The following CCDC80 variants were observed in gnomAD, a reference collection of about 807,000 sequenced individuals.
CCDC80 encodes coiled-coil domain containing 80.
Under a neutral mutation model 78.7 loss-of-function variants are expected in CCDC80, and 49 were observed. The ratio of observed to expected loss-of-function variants is 0.62; its 90% CI spans 0.50 to 0.79. The LOEUF (loss-of-function observed/expected upper bound fraction) is 0.79. Among genes scored for constraint, CCDC80 ranks in the 30% least tolerant of loss-of-function variants. The probability of loss-of-function intolerance (pLI) is 0.00; values close to 1 mark genes in which losing one functional copy is unlikely to be tolerated. For missense variants in CCDC80, 1,205 were observed against 1,198.6 expected, an observed-to-expected ratio of 1.01 and a Z score of -0.08; for synonymous variants, 488 against 447.0, an observed-to-expected ratio of 1.09 and a Z score of -1.16.
At position 112,597,721 on chromosome 3, in the gene CCDC80, G is replaced by C. The variant is rs749376831; in HGVS notation, c.*7696C>G. The C allele has an allele frequency of 1.3e-5, 2 of 152,094 alleles. No individual in the cohort carries two copies. Among genetic ancestry groups the C allele is most frequent in the Non-Finnish European group, 2.9e-5 (2 of 68,016 alleles). 9.4% of individuals were successfully genotyped at this position (152,094 alleles called of 1,614,324 possible). The stretch of plus-strand genomic sequence containing the variant: ...TGAAGTACTTGCTAAATCATGTGGT[G>C]CGTGAAAGGAAGAGCAATGTTATAA... On this transcript the variant is annotated 3_prime_UTR_variant, in exon 8 of 8. Coordinates refer to ENST00000206423, the MANE Select transcript of CCDC80 (RefSeq NM_199511.3).
At chr3:112,610,974 C>T (rs1240008854) in intron 5 of CCDC80, among the ~76,000 whole-genome samples, 3 of 140,128 alleles carry the variant, frequency 2.1e-5, no homozygotes, top group Non-Finnish European at 4.5e-5. Context: ...AGTACAGTGG[C>T]ATGAACTCGG....
chr3:112,607,628 T>TA (rs952590085), intron 6 of CCDC80, among the ~76,000 whole-genome samples: 3 of 151,560 alleles, frequency 2.0e-5, no homozygotes, highest in African/African-American at 4.8e-5. Context: ...CTACTAACAA[T>TA]AAAAAAAATC....
At chr3:112,614,748 G>T (rs1201534139) in intron 5 of CCDC80, among the ~76,000 whole-genome samples, 2 of 152,098 alleles carry the variant, frequency 1.3e-5, no homozygotes, top group Non-Finnish European at 2.9e-5. Flanking sequence ...AGGCCTTTAG[G>T]TTCAGAACTA....
chr3:112,639,421 C>T lies in CCDC80; in HGVS notation c.485G>A (p.Gly162Asp). The T allele has an allele frequency of 6.2e-7, 1 of 1,614,214 alleles. No homozygotes were observed. Among genetic ancestry groups the T allele is most frequent in the East Asian group, 2.2e-5 (1 of 44,886 alleles). Residue 162 changes from glycine (G) to aspartate (D), a missense_variant, in exon 2 of 8, where the codon GGC (glycine) becomes GAC (aspartate). By Grantham distance (94) the Gly-to-Asp change is moderately conservative. Transcript: ENST00000206423. ...CAGGCTCATCATGAGGCGGTAGTAG[C>T]CTTCCGAGGCATGAGGGGCTGAGAT... ...WVISAPHASE[G>D]YYRLMMSLLK...
chr3:112,627,773 C>T (rs1308574429), intron 3 of CCDC80, among the ~76,000 whole-genome samples: 4 of 143,962 alleles, frequency 2.8e-5, no homozygotes, highest in African/African-American at 7.7e-5. Context: ...AGATGAGAAA[C>T]AAAATAAAAG....
chr3:112,624,469 C>G (rs1935926618), intron 3 of CCDC80, among the ~76,000 whole-genome samples: 1 of 152,194 alleles, frequency 6.6e-6, no homozygotes, highest in Non-Finnish European at 1.5e-5. Flanking sequence ...TAACCTTGGC[C>G]TCCAGCTTGG....
rs914343008 is a variant in CCDC80, at chr3:112,603,044, A to C, written c.*2373T>G. The C allele has an allele frequency of 2.0e-5, 3 of 152,196 alleles. No homozygotes were observed. The highest frequency in any genetic ancestry group is 4.4e-5 in the Non-Finnish European group (3 of 68,032). 9.4% of individuals were successfully genotyped at this position (152,196 alleles called of 1,614,324 possible). On this transcript the variant is annotated 3_prime_UTR_variant, in exon 8 of 8. Transcript: ENST00000206423. The stretch of plus-strand genomic sequence containing the variant: ...CAGCTGGTGATTTTAAGTTGAAATC[A>C]ATGCTCATTTACCATTTCCCCAAAT...
rs149351271 is a variant in CCDC80 at position 112,639,413 on chromosome 3, G to C, written c.493C>G (p.Arg165Gly). The C allele has an allele frequency of 6.2e-7, 1 of 1,614,178 alleles. No individual in the cohort carries two copies. Among genetic ancestry groups the C allele is most frequent in the Non-Finnish European group, 8.5e-7 (1 of 1,180,042 alleles). Residue 165 changes from arginine (R) to glycine (G), a missense_variant, in exon 2 of 8, where the codon CGC (arginine) becomes GGC (glycine). Arg to Gly is a moderately radical substitution (Grantham distance 125, BLOSUM62 -2). Coordinates refer to ENST00000206423, the MANE Select transcript of CCDC80 (RefSeq NM_199511.3). ...TCCTTCAGCAGGCTCATCATGAGGCGGTAGTAGCCTTCCGAGGCATGAGGG... is the reference window on the plus strand; with the variant it reads ...TCCTTCAGCAGGCTCATCATGAGGCCGTAGTAGCCTTCCGAGGCATGAGGG... ...SAPHASEGYY[R>G]LMMSLLKDDV...
chr3:112,636,498 T>C (rs769990604), intron 2 of CCDC80, among the ~76,000 whole-genome samples: 6 of 152,186 alleles, frequency 3.9e-5, no homozygotes, highest in Non-Finnish European at 7.3e-5. Flanking sequence ...ACTATCAATG[T>C]AAACAGCTAA....
At position 112,638,600 on chromosome 3, in the gene CCDC80, C is replaced by T. The variant is rs1559882733; in HGVS notation, c.1306G>A (p.Ala436Thr). 7 of 1,613,886 alleles carry T rather than the reference C, an allele frequency of 4.3e-6. No individual in the cohort carries two copies. The highest frequency in any genetic ancestry group is 1.6e-4 in the Middle Eastern group (1 of 6,062). The change falls in exon 2 of 8, where the codon GCC becomes ACC. Residue 436 changes from alanine (A) to threonine (T), a missense_variant. Ala to Thr is a moderately conservative substitution (Grantham distance 58). Transcript: ENST00000206423. ...TTTGTGAAGCTCTCCAAGCTGGTGG[C>T]CTTGCTGGGCCTCCTGGTTGTCTGT... ...RPQTTRRPSKATSLESFTNAP... is the reference protein window; with the variant it reads ...RPQTTRRPSKTTSLESFTNAP...
rs746186578 is a variant in CCDC80, at chr3:112,639,603, G to T, written c.303C>A (p.Ala101=). The part of the protein sequence containing the change: ...PPARSDINGA[A]VRPEQRPAAR... ...CTGCTGGTCTTTGCTCAGGTCTCAC[G>T]GCGGCCCCATTGATGTCCGAGCGGG... The change falls in exon 2 of 8, where the codon GCC becomes GCA. Residue 101 remains alanine, a synonymous_variant. Coordinates refer to ENST00000206423, the MANE Select transcript of CCDC80 (RefSeq NM_199511.3). 7 of 1,614,134 alleles carry T rather than the reference G, an allele frequency of 4.3e-6. No individual in the cohort carries two copies. Among genetic ancestry groups the T allele is most frequent in the Non-Finnish European group, 5.9e-6 (7 of 1,180,036 alleles).
intron 2 of CCDC80, among the ~76,000 whole-genome samples, chr3:112,637,573 A>G (rs1013083525): frequency 1.4e-4 from 21 of 152,116 alleles, no homozygotes; most frequent in African/African-American, 4.4e-4. Context: ...CTAGTTCCTA[A>G]GTCAGACAGA....
intron 5 of CCDC80, among the ~76,000 whole-genome samples, chr3:112,611,687 G>T (rs73853922): frequency 1.3e-5 from 2 of 152,122 alleles, no homozygotes; most frequent in Non-Finnish European, 2.9e-5. Flanking sequence ...TCTGCAAGAG[G>T]GTATAAAAAG....
In CCDC80 at chr3:112,605,366, T is replaced by A; in HGVS notation, c.*51A>T. 7.6e-7 allele frequency: 1 copy of A among 1,318,416 alleles called. No individual in the cohort carries two copies. The highest frequency in any genetic ancestry group is 1.1e-6 in the Non-Finnish European group (1 of 936,724). 81.7% of individuals were successfully genotyped at this position (1,318,416 alleles called of 1,614,324 possible). ...GAAGAATGGAGCTGGCCACATGTAG[T>A]TTTAGCAGCTGCAGAGGAAACTGGC... is the stretch of plus-strand genomic sequence containing the variant. On this transcript the variant is annotated 3_prime_UTR_variant, in exon 8 of 8. Coordinates refer to ENST00000206423, the MANE Select transcript of CCDC80 (RefSeq NM_199511.3).
At chr3:112,606,551 A>G (rs1481067093) in intron 7 of CCDC80, among the ~76,000 whole-genome samples, 1 of 150,170 alleles carries the variant, frequency 6.7e-6, no homozygotes, top group Admixed American at 6.6e-5. Context: ...TCAGCCTCCC[A>G]GGTAGCTGGG....
chr3:112,639,562 C>A lies in CCDC80; in HGVS notation c.344G>T (p.Arg115Leu), dbSNP rs1434302811. 4 of 1,614,156 alleles carry A rather than the reference C, an allele frequency of 2.5e-6. No homozygotes were observed. The highest frequency in any genetic ancestry group is 1.7e-5 in the Admixed American group (1 of 60,020). The part of the protein sequence containing the change: ...EQRPAARGSP[R>L]EMIRDEGSSA... Reference sequence around the variant, plus strand: ...GGACCCCTCATCTCTGATCATCTCACGCGGAGAGCCCCTGGCTGCTGGTCT... The same window carrying A: ...GGACCCCTCATCTCTGATCATCTCAAGCGGAGAGCCCCTGGCTGCTGGTCT... Residue 115 changes from arginine to leucine, a missense_variant, in exon 2 of 8, where the codon CGT becomes CTT. Coordinates refer to ENST00000206423, the MANE Select transcript of CCDC80 (RefSeq NM_199511.3).
Position 112,630,266 on chromosome 3 carries a change from T to C in CCDC80, c.1882A>G (p.Ile628Val). The change falls in exon 3 of 8, where the codon ATC becomes GTC. Residue 628 changes from isoleucine (I) to valine (V), a missense_variant. By Grantham distance (29) the Ile-to-Val change is conservative. Coordinates refer to ENST00000206423, the MANE Select transcript of CCDC80 (RefSeq NM_199511.3). ...TTGTTCTCAGCCTTGGGAGCAGTGA[T>C]CAGCTGGAGGTGGGTGAAGACAAAC... ...SFEGKRRLLL[I>V]TAPKAENNMY... 2 of 1,613,718 alleles carry C rather than the reference T, an allele frequency of 1.2e-6. No individual in the cohort carries two copies. Among genetic ancestry groups the C allele is most frequent in the South Asian group, 2.2e-5 (2 of 91,076 alleles).
intron 4 of CCDC80, 91 bp downstream of exon 4, chr3:112,618,877 T>C: frequency 7.4e-7 from 1 of 1,346,982 alleles, no homozygotes; most frequent in Non-Finnish European, 1.0e-6. Context: ...AATTTATGCT[T>C]ACTCGTACAT....
At position 112,600,723 on chromosome 3, in the gene CCDC80, C is replaced by T. The variant is rs1383088477; in HGVS notation, c.*4694G>A. 1 of 152,306 alleles carries T rather than the reference C, an allele frequency of 6.6e-6. No individual in the cohort carries two copies. Among genetic ancestry groups the T allele is most frequent in the Non-Finnish European group, 1.5e-5 (1 of 68,240 alleles). 9.4% of individuals were successfully genotyped at this position (152,306 alleles called of 1,614,324 possible). The stretch of plus-strand genomic sequence containing the variant: ...TTTGCCGTGTTGCCCAGGCTGGTCT[C>T]GAAGTCCTGGGCTCAAGCGACCCGC... On this transcript the variant is annotated 3_prime_UTR_variant, in exon 8 of 8. Coordinates refer to ENST00000206423, the MANE Select transcript of CCDC80 (RefSeq NM_199511.3).
Sources: gnomAD v4.1 joint callset for allele counts (sites outside exome capture counted in the v4.1 genomes callset) on GRCh38, gnomAD v4.1.1 for gene constraint, MANE v1.5 for transcripts, NCBI Gene and HGNC (gene_info 2026-07-23, HGNC 2026-07-21) for gene names.